The following USP12 variants were observed in gnomAD, a reference collection of about 807,000 sequenced individuals.
USP12 encodes the protein ubiquitin carboxyl-terminal hydrolase 12.
In USP12, 19 loss-of-function variants were observed where a neutral mutation model predicts 45.5. The ratio of observed to expected loss-of-function variants is 0.42; its 90% confidence interval spans 0.29 to 0.61. USP12 has a LOEUF of 0.61. USP12 is among the 20% of genes least tolerant of loss of function. The pLI is 0.22. For synonymous variants in USP12, 149 were observed against 148.8 expected (o/e 1.00, Z -0.01); for missense variants, 242 against 447.7 (o/e 0.54, Z 4.15).
rs1555233222 is a variant in USP12 at position 27,086,191 on chromosome 13, A to ATATATATATAT, written c.734+3691_734+3692insATATATATATA. ...TGTCTCTTTAAAAAAAAAAAAAAAA[A>ATATATATATAT]AAAAAAATATATATATATATATATA... On this transcript the variant is annotated intron_variant, in intron 6 of 8. Coordinates refer to ENST00000282344, the MANE Select transcript of USP12 (RefSeq NM_182488.4). Among the ~76,000 whole-genome samples, 223 of 72,406 alleles carry ATATATATATAT rather than the reference A, an allele frequency of 3.1e-3. 1 individual carries two copies. The highest frequency in any genetic ancestry group is 4.4e-3 in the Non-Finnish European group (163 of 36,964). 47.5% of individuals were successfully genotyped at this position (72,406 alleles called of 152,430 possible). A position where few individuals can be genotyped will look rare whatever the true frequency, so the allele number is the denominator to read the frequency against.
chr13:27,115,266 A>G (rs909795535), intron 2 of USP12, among the ~76,000 whole-genome samples: 1 of 152,176 alleles, frequency 6.6e-6, no homozygotes, highest in Admixed American at 6.5e-5. Context: ...AAATTAGAAT[A>G]TAAGGCTAAA....
intron 4 of USP12, among the ~76,000 whole-genome samples, chr13:27,092,665 T>C (rs1874372071): frequency 6.6e-6 from 1 of 152,092 alleles, no homozygotes; most frequent in Non-Finnish European, 1.5e-5. Context: ...GACATCCACA[T>C]GCAAAAAAAT....
chr13:27,071,516 T>C (rs1035399216), intron 7 of USP12, among the ~76,000 whole-genome samples: 1 of 152,228 alleles, frequency 6.6e-6, no homozygotes. Flanking sequence ...TGAGTTGGAC[T>C]ATAAAACAAT....
At chr13:27,144,574 A>ATGAGAAAT (rs978016911) in intron 1 of USP12, among the ~76,000 whole-genome samples, 8 of 151,778 alleles carry the variant, frequency 5.3e-5, no homozygotes, top group African/African-American at 1.9e-4. Flanking sequence ...AAGATTAAGT[A>ATGAGAAAT]TGAGAAATGT....
At chr13:27,117,771 A>G (rs1875811492) in intron 1 of USP12, 1 of 518,240 alleles carries the variant, frequency 1.9e-6, no homozygotes, top group Middle Eastern at 3.2e-4. Flanking sequence ...GACCTCGCAC[A>G]GACAATCATA....
At chr13:27,121,140 A>G (rs1017531532) in intron 1 of USP12, among the ~76,000 whole-genome samples, 28 of 152,190 alleles carry the variant, frequency 1.8e-4, no homozygotes, top group African/African-American at 6.8e-4. Context: ...TAAGGGAACC[A>G]GTAATAATCC....
rs1417926123 is a variant in USP12 at position 27,067,232 on chromosome 13, G to T, written c.*2051C>A. On this transcript the variant is annotated 3_prime_UTR_variant, in exon 9 of 9. Transcript: ENST00000282344. ...TATCTTTCTTAAACATGTTGATATA[G>T]CTAATGTTAAAACTGACACAGCTTC... 1.3e-5 allele frequency: 2 copies of T among 152,024 alleles called. No individual in the cohort carries two copies. Among genetic ancestry groups the T allele is most frequent in the African/African-American group, 4.8e-5 (2 of 41,388 alleles). 9.4% of individuals were successfully genotyped at this position (152,024 alleles called of 1,614,324 possible).
intron 1 of USP12, among the ~76,000 whole-genome samples, chr13:27,159,290 A>T (rs898846574): frequency 5.3e-5 from 8 of 152,228 alleles, no homozygotes; most frequent in African/African-American, 1.9e-4. Flanking sequence ...ATCAATTACT[A>T]AATTACAAGG....
At chr13:27,137,750 T>C (rs1275941755) in intron 1 of USP12, among the ~76,000 whole-genome samples, 3 of 152,206 alleles carry the variant, frequency 2.0e-5, no homozygotes, top group Non-Finnish European at 2.9e-5. Context: ...GAATTGCTTC[T>C]AACCAGTAGA....
intron 1 of USP12, among the ~76,000 whole-genome samples, chr13:27,157,726 T>G (rs1877906227): frequency 6.6e-6 from 1 of 152,184 alleles, no homozygotes; most frequent in Non-Finnish European, 1.5e-5. Context: ...TTCATTTTTC[T>G]CCAAGTTACC....
rs544319347 is a variant in USP12 at position 27,100,840 on chromosome 13, A to T, written c.343+4891T>A. ...GGGAGAACTAGTAAAAAGATTTTAT[A>T]AACACTGCTGAGGACCTAGTTAAGG... On this transcript the variant is annotated intron_variant, in intron 3 of 8. Coordinates refer to ENST00000282344, the MANE Select transcript of USP12 (RefSeq NM_182488.4). Among the ~76,000 whole-genome samples the T allele has an allele frequency of 3.9e-5, 6 of 152,358 alleles. No individual in the cohort carries two copies. The South Asian group carries it at 1.0e-3, about 26-fold the overall frequency.
At chr13:27,133,706 C>T (rs897751593) in intron 1 of USP12, among the ~76,000 whole-genome samples, 6 of 152,044 alleles carry the variant, frequency 3.9e-5, no homozygotes, top group African/African-American at 1.4e-4. Context: ...AACTCTCAGC[C>T]CATACCAAAG....
intron 2 of USP12, among the ~76,000 whole-genome samples, chr13:27,110,822 T>C (rs1875403652): frequency 6.6e-6 from 1 of 152,212 alleles, no homozygotes; most frequent in Non-Finnish European, 1.5e-5. Flanking sequence ...AATCTGGTTA[T>C]ATCAATTGAA....
Position 27,171,576 on chromosome 13 carries a change from G to A in USP12, c.48+16C>T. ...GAGGTCCCGGCAGCCCCGGCCGCCC[G>A]CTCGCCGCCACCTACCATGGTACAG... On this transcript the variant is annotated intron_variant, in intron 1 of 8. Transcript: ENST00000282344. 1 of 1,223,702 alleles carries A rather than the reference G, an allele frequency of 8.2e-7. No homozygotes were observed. Among genetic ancestry groups the A allele is most frequent in the Non-Finnish European group, 1.1e-6 (1 of 947,318 alleles). The allele number at this position is 1,223,702 out of a possible 1,614,324, so 75.8% of individuals were successfully genotyped here.
intron 2 of USP12, among the ~76,000 whole-genome samples, chr13:27,115,545 T>C (rs1039407295): frequency 1.3e-5 from 2 of 152,150 alleles, no homozygotes; most frequent in Non-Finnish European, 2.9e-5. Context: ...TATATGCATT[T>C]TAAAACACCT....
rs766742279 is a variant in USP12, at chr13:27,150,046, TAAC to T, written c.48+21543_48+21545del. On this transcript the variant is annotated intron_variant, in intron 1 of 8. Transcript: ENST00000282344. ...TACAGCACTGCAGGGTGACTATAATTAACAACAATTTATTGTATACTTTCAAAT... is the reference window on the plus strand; with the variant it reads ...TACAGCACTGCAGGGTGACTATAATTAACAATTTATTGTATACTTTCAAAT... 3.3e-5 allele frequency among the ~76,000 whole-genome samples: 5 copies of T among 152,164 alleles called. No individual in the cohort carries two copies. The East Asian group carries it at 5.8e-4, about 18-fold the overall frequency.
intron 8 of USP12, 61 bp from the exon 9 acceptor site, chr13:27,069,445 A>C: frequency 8.0e-7 from 1 of 1,246,138 alleles, no homozygotes; most frequent in East Asian, 2.3e-5. Context: ...GAATGGCTTA[A>C]ATTTAAAAGA....
intron 1 of USP12, among the ~76,000 whole-genome samples, chr13:27,144,339 T>TA (rs1253463226): frequency 1.1e-4 from 16 of 151,606 alleles, no homozygotes; most frequent in African/African-American, 3.9e-4. Flanking sequence ...TACAGAAAAA[T>TA]AAAGTATTAG....
At chr13:27,095,940 A>G in intron 3 of USP12, 110 bp from the exon 4 acceptor site, 1 of 761,128 alleles carries the variant, frequency 1.3e-6, no homozygotes, top group Non-Finnish European at 1.9e-6. Flanking sequence ...ATATAAATGC[A>G]CAATGTTTTT....
Sources: gnomAD v4.1 joint callset for allele counts (sites outside exome capture counted in the v4.1 genomes callset) on GRCh38, gnomAD v4.1.1 for gene constraint, MANE v1.5 for transcripts, NCBI Gene and HGNC (gene_info 2026-07-23, HGNC 2026-07-21) for gene names.